Variants in SLC12A7 observed in about 807,000 individuals in gnomAD.
The protein encoded by SLC12A7 is K-Cl cotransporter 4.
In SLC12A7, 100 loss-of-function variants were observed where a neutral mutation model predicts 120.6. The observed-to-expected ratio is 0.83, with a 90% CI of 0.71 to 0.98. SLC12A7 has a LOEUF of 0.98. Among genes scored for constraint, SLC12A7 ranks in the 50% least tolerant of loss-of-function variants. The pLI is 0.00. For missense variants in SLC12A7, 1,373 were observed against 1,548.1 expected (o/e 0.89, Z 1.90); for synonymous variants, 760 against 678.0 (o/e 1.12, Z -1.88).
At chr5:1,065,050 CAG>C (rs1490524522) in intron 18 of SLC12A7, among the ~76,000 whole-genome samples, 2 of 71,416 alleles carry the variant, frequency 2.8e-5, no homozygotes, top group East Asian at 8.5e-4. Context: ...CGAGGGGAGG[CAG>C]AGGGGGACAG....
intron 8 of SLC12A7, among the ~76,000 whole-genome samples, chr5:1,082,683 T>C (rs1163814722): frequency 2.7e-5 from 4 of 149,350 alleles, no homozygotes; most frequent in African/African-American, 7.4e-5. Flanking sequence ...CTCTCTAGGG[T>C]TCTGGAAAGT....
intron 23 of SLC12A7, among the ~76,000 whole-genome samples, chr5:1,052,693 A>G (rs1218891824): frequency 6.6e-6 from 1 of 152,136 alleles, no homozygotes; most frequent in East Asian, 1.9e-4. Flanking sequence ...GAGGACGAGC[A>G]GAGACAGCGA....
chr5:1,076,449 G>A (rs1178878831), intron 13 of SLC12A7, among the ~76,000 whole-genome samples: 2 of 66,822 alleles, frequency 3.0e-5, no homozygotes, highest in Non-Finnish European at 6.4e-5. Flanking sequence ...CAAGAGATGG[G>A]CCATCGTCCC....
upstream of SLC12A7, among the ~76,000 whole-genome samples, chr5:1,113,578 T>C (rs1478048206): frequency 1.8e-4 from 27 of 152,142 alleles, no homozygotes; most frequent in Admixed American, 1.8e-3. Flanking sequence ...GAGCTGTGCC[T>C]GCTCCACACT....
At chr5:1,064,347 C>T (rs540252418) in intron 18 of SLC12A7, 95 bp from the exon 19 acceptor site, 465 of 1,420,986 alleles carry the variant, frequency 3.3e-4, no homozygotes, top group African/African-American at 1.7e-3. Context: ...GCGGGCACGG[C>T]GAGGCGAGGG....
chr5:1,108,670 G>A (rs1742751123), intron 1 of SLC12A7, among the ~76,000 whole-genome samples: 2 of 152,212 alleles, frequency 1.3e-5, no homozygotes, highest in South Asian at 2.1e-4. Flanking sequence ...CATCCCCAAA[G>A]GGGACCCCAG....
At chr5:1,069,694 A>C (rs537707922) in intron 17 of SLC12A7, among the ~76,000 whole-genome samples, 8 of 152,330 alleles carry the variant, frequency 5.3e-5, no homozygotes, top group South Asian at 4.1e-4. Flanking sequence ...TCCCTGCTTT[A>C]GCAAGAAATA....
At chr5:1,132,621 G>A in the SLC12A7 span, among the ~76,000 whole-genome samples, 1 of 152,000 alleles carries the variant, frequency 6.6e-6, no homozygotes. Context: ...AAGAACCCTT[G>A]CCTGCCTTCT....
chr5:1,085,173 C>T (rs1739680314), intron 7 of SLC12A7, 59 bp downstream of exon 7: 2 of 1,581,646 alleles, frequency 1.3e-6, no homozygotes, highest in South Asian at 1.2e-5. Context: ...GCGGGCAGAG[C>T]CCATGGGACC....
the SLC12A7 span, among the ~76,000 whole-genome samples, chr5:1,128,672 C>T: frequency 1.1e-3 from 170 of 152,328 alleles, no homozygotes; most frequent in East Asian, 0.031. Context: ...ATTGGGTCTG[C>T]CCTGTGACCA....
chr5:1,137,291 A>G, the SLC12A7 span, among the ~76,000 whole-genome samples: 1 of 151,884 alleles, frequency 6.6e-6, no homozygotes, highest in Non-Finnish European at 1.5e-5. Flanking sequence ...AGCCCCCTCC[A>G]TCTGTGCCCC....
the SLC12A7 span, among the ~76,000 whole-genome samples, chr5:1,141,422 C>G: frequency 6.6e-6 from 1 of 152,008 alleles, no homozygotes. Flanking sequence ...GCTGTCCCAG[C>G]CGTCCCTGCT....
chr5:1,095,927 G>A (rs1741089203), intron 1 of SLC12A7, among the ~76,000 whole-genome samples: 1 of 152,204 alleles, frequency 6.6e-6, no homozygotes, highest in South Asian at 2.1e-4. Context: ...CTAGACCATG[G>A]GGCACACCAC....
chr5:1,115,791 G>T (rs1313460925), upstream of SLC12A7, among the ~76,000 whole-genome samples: 2 of 151,028 alleles, frequency 1.3e-5, no homozygotes, highest in Non-Finnish European at 2.9e-5. Flanking sequence ...GGTGAGTGGG[G>T]GAGAGAGCGA....
In SLC12A7 at chr5:1,050,485, C is replaced by A. The variant is rs915732356; in HGVS notation, c.*1875G>T. On this transcript the variant is annotated 3_prime_UTR_variant, in exon 24 of 24. Transcript: ENST00000264930. Reference sequence around the variant, plus strand: ...TAAATGGCTGTAGTTACTGGTTACACGGAGTTGACAACACAAAGGATGCCT... The same window carrying A: ...TAAATGGCTGTAGTTACTGGTTACAAGGAGTTGACAACACAAAGGATGCCT... 4.9e-6 allele frequency: 1 copy of A among 202,712 alleles called. No homozygotes were observed. Among genetic ancestry groups the A allele is most frequent in the East Asian group, 1.1e-4 (1 of 9,280 alleles). 12.6% of individuals were successfully genotyped at this position (202,712 alleles called of 1,614,324 possible). A position where few individuals can be genotyped will look rare whatever the true frequency, so the allele number is the denominator to read the frequency against.
At chr5:1,143,878 T>G in the SLC12A7 span, among the ~76,000 whole-genome samples, 1 of 151,174 alleles carries the variant, frequency 6.6e-6, no homozygotes, top group African/African-American at 2.5e-5. Flanking sequence ...CCTGGCCTCC[T>G]GGGCACCCTG....
the SLC12A7 span, among the ~76,000 whole-genome samples, chr5:1,139,747 C>T: frequency 6.6e-6 from 1 of 152,214 alleles, no homozygotes; most frequent in East Asian, 1.9e-4. Flanking sequence ...TCCCGGCAGG[C>T]CCCGTGTCTT....
chr5:1,081,577 C>T lies in SLC12A7; in HGVS notation c.1297G>A (p.Gly433Ser), dbSNP rs766555607. Reference sequence around the variant, plus strand: ...GGGAAGCCTGGAGCAGCGGGCTCACCGGTCACGGAAGGGAAGTAGATGCCA... The same window carrying T: ...GGGAAGCCTGGAGCAGCGGGCTCACTGGTCACGGAAGGGAAGTAGATGCCA... ...LVGIYFPSVT[G>S]IMAGSNRSGD... The change falls in exon 9 of 24, where the codon GGT becomes AGT. Residue 433 changes from glycine (G) to serine (S), a missense_variant and splice_region_variant. Gly to Ser is a moderately conservative substitution (Grantham distance 56). Coordinates refer to ENST00000264930, the MANE Select transcript of SLC12A7 (RefSeq NM_006598.3). 1.6e-5 allele frequency: 25 copies of T among 1,596,878 alleles called. No individual in the cohort carries two copies. Among genetic ancestry groups the T allele is most frequent in the South Asian group, 3.3e-5 (3 of 90,500 alleles).
the SLC12A7 span, among the ~76,000 whole-genome samples, chr5:1,120,338 A>C: frequency 1.7e-4 from 26 of 152,356 alleles, no homozygotes; most frequent in Admixed American, 1.7e-3. Context: ...GATCACACGA[A>C]GACGGCTTAC....
Sources: gnomAD v4.1 joint callset for allele counts (sites outside exome capture counted in the v4.1 genomes callset) on GRCh38, gnomAD v4.1.1 for gene constraint, MANE v1.5 for transcripts, NCBI Gene and HGNC (gene_info 2026-07-23, HGNC 2026-07-21) for gene names.